Variants in ZNF782 observed in about 807,000 individuals in gnomAD.
ZNF782 encodes zinc finger protein 782.
ZNF782 carries 12 observed loss-of-function variants against 13.0 expected under a neutral mutation model. That is an observed-to-expected ratio of 0.92 (90% CI 0.59 to 1.50). The LOEUF (loss-of-function observed/expected upper bound fraction) is 1.50. Ranked by LOEUF, ZNF782 falls within the 40% of genes most tolerant of loss-of-function variation. The pLI is 0.00. For synonymous variants in ZNF782, 284 were observed against 283.0 expected, an observed-to-expected ratio of 1.00 and a Z score of -0.04; for missense variants, 770 against 822.9, an observed-to-expected ratio of 0.94 and a Z score of 0.79.
the ZNF782 span, among the ~76,000 whole-genome samples, chr9:96,896,436 C>G: frequency 1.3e-5 from 2 of 152,160 alleles, no homozygotes; most frequent in Admixed American, 6.6e-5. Context: ...CTATTCTAGA[C>G]TTACTACTAA....
chr9:96,864,998 A>T (rs2118869713), intron 1 of ZNF782, among the ~76,000 whole-genome samples: 1 of 151,856 alleles, frequency 6.6e-6, no homozygotes, highest in South Asian at 2.1e-4. Context: ...GTGAGCTAGG[A>T]TCATGCCACT....
upstream of ZNF782, among the ~76,000 whole-genome samples, chr9:96,857,224 G>A (rs1195617478): frequency 1.3e-5 from 2 of 152,188 alleles, no homozygotes; most frequent in African/African-American, 4.8e-5. Flanking sequence ...CTGTGTGTGT[G>A]CTGCCTTTTA....
At chr9:96,835,951 CACCAGTAGCATGCA>C (rs1462258582) in intron 4 of ZNF782, among the ~76,000 whole-genome samples, 1 of 152,176 alleles carries the variant, frequency 6.6e-6, no homozygotes, top group East Asian at 1.9e-4. Context: ...ATTGTAGAGC[CACCAGTAGCATGCA>C]ATCTCAGTCT....
the ZNF782 span, among the ~76,000 whole-genome samples, chr9:96,898,800 G>A: frequency 4.9e-4 from 72 of 148,226 alleles, no homozygotes; most frequent in Middle Eastern, 3.4e-3. Flanking sequence ...ACCCACCTGG[G>A]CCTCCCAAAG....
At chr9:96,896,241 G>A in the ZNF782 span, among the ~76,000 whole-genome samples, 1 of 152,292 alleles carries the variant, frequency 6.6e-6, no homozygotes, top group South Asian at 2.1e-4. Context: ...ACCAGAAACA[G>A]TTTGGTTTCA....
At chr9:96,922,972 C>T in the ZNF782 span, among the ~76,000 whole-genome samples, 1 of 147,908 alleles carries the variant, frequency 6.8e-6, no homozygotes, top group Non-Finnish European at 1.5e-5. Flanking sequence ...CTCACATCGC[C>T]AAGTACTAAC....
the ZNF782 span, chr9:96,887,908 T>C: frequency 6.6e-6 from 1 of 150,610 alleles, no homozygotes. Context: ...CTCAGCAAAC[T>C]ATTGCAAAGA....
chr9:96,887,451 T>C, the ZNF782 span: 1 of 152,184 alleles, frequency 6.6e-6, no homozygotes, highest in African/African-American at 2.4e-5. Context: ...CTACGTACAG[T>C]AATTAAAAGA....
chr9:96,876,885 A>C (rs1851897955), upstream of ZNF782, among the ~76,000 whole-genome samples: 2 of 131,366 alleles, frequency 1.5e-5, no homozygotes, highest in Non-Finnish European at 3.1e-5. Context: ...GGGCGCCTGC[A>C]GTCCCAGCTA....
chr9:96,913,741 T>G, the ZNF782 span, among the ~76,000 whole-genome samples: 1 of 151,834 alleles, frequency 6.6e-6, no homozygotes, highest in Admixed American at 6.6e-5. Flanking sequence ...ACCAGGCTGG[T>G]GTCAGACTCG....
the ZNF782 span, chr9:96,931,959 T>G: frequency 6.2e-7 from 1 of 1,611,816 alleles, no homozygotes; most frequent in Non-Finnish European, 8.5e-7. Flanking sequence ...TTTGTCCAGA[T>G]GAGGACAGAA....
At chr9:96,903,535 C>CT in the ZNF782 span, among the ~76,000 whole-genome samples, 1 of 75,308 alleles carries the variant, frequency 1.3e-5, no homozygotes, top group Non-Finnish European at 3.1e-5. Context: ...CATAACTTTT[C>CT]TTTTTTTTAA....
rs538395112 is a variant in ZNF782, at chr9:96,833,806, TTC to T, written c.143-6627_143-6626del. ...ATTTTTCTATTTGGGAGATTTTCTATTCTCTCTTATTTATTCAATTATTTATA... is the reference window on the plus strand; with the variant it reads ...ATTTTTCTATTTGGGAGATTTTCTATTCTCTTATTTATTCAATTATTTATA... On this transcript the variant is annotated intron_variant, in intron 4 of 5. Transcript: ENST00000481138. Among the ~76,000 whole-genome samples, 256 of 152,304 alleles carry T rather than the reference TTC, an allele frequency of 1.7e-3. 1 individual carries two copies. The highest frequency in any genetic ancestry group is 1.9e-3 in the Non-Finnish European group (130 of 68,028).
At chr9:96,853,283 C>T (rs1032490683) in intron 1 of ZNF782, among the ~76,000 whole-genome samples, 1 of 152,198 alleles carries the variant, frequency 6.6e-6, no homozygotes, top group Non-Finnish European at 1.5e-5. Flanking sequence ...TTCACCAAGT[C>T]TGGCTCATTC....
In ZNF782 at chr9:96,827,072, T is replaced by G; in HGVS notation, c.244+8A>C. Reference sequence around the variant, plus strand: ...AGAACCTTCTTCTTGTTGAATTCAGTAACTCACCTGGGGAGTTCCTGCTTA... The same window carrying G: ...AGAACCTTCTTCTTGTTGAATTCAGGAACTCACCTGGGGAGTTCCTGCTTA... On this transcript the variant is annotated splice_region_variant and intron_variant, in intron 5 of 5. Coordinates refer to ENST00000481138, the MANE Select transcript of ZNF782 (RefSeq NM_001001662.3). 1 of 1,585,544 alleles carries G rather than the reference T, an allele frequency of 6.3e-7. No individual in the cohort carries two copies. The highest frequency in any genetic ancestry group is 8.6e-7 in the Non-Finnish European group (1 of 1,158,148).
the ZNF782 span, chr9:96,895,486 A>G: frequency 6.6e-6 from 1 of 152,226 alleles, no homozygotes; most frequent in East Asian, 1.9e-4. Context: ...ATATCTCCTT[A>G]AATAATGAGG....
chr9:96,926,377 T>C, the ZNF782 span, among the ~76,000 whole-genome samples: 1 of 152,148 alleles, frequency 6.6e-6, no homozygotes, highest in Non-Finnish European at 1.5e-5. Context: ...AAGCATTTAC[T>C]GTTTGTTTGG....
At chr9:96,840,565 T>C (rs568655483) in intron 4 of ZNF782, among the ~76,000 whole-genome samples, 20 of 152,190 alleles carry the variant, frequency 1.3e-4, no homozygotes, top group Middle Eastern at 3.4e-3. Flanking sequence ...GGCTGTGCTA[T>C]TGAATAACTT....
chr9:96,827,605 A>G (rs1387869436), intron 4 of ZNF782, among the ~76,000 whole-genome samples: 1 of 152,116 alleles, frequency 6.6e-6, no homozygotes, highest in Non-Finnish European at 1.5e-5. Context: ...CTGGCCAAAA[A>G]ACATTTTCTT....
Sources: allele counts gnomAD v4.1 joint callset (sites outside exome capture counted in the v4.1 genomes callset), GRCh38; gene constraint gnomAD v4.1.1; transcripts MANE v1.5; gene names NCBI Gene and HGNC (gene_info 2026-07-23, HGNC 2026-07-21).